The following IL1R1 variants were observed in gnomAD, a reference collection of about 807,000 sequenced individuals.
The protein encoded by IL1R1 is interleukin-1 receptor type 1.
In IL1R1, 22 loss-of-function variants were observed where a neutral mutation model predicts 50.2. That is an observed-to-expected ratio of 0.44 (90% CI 0.31 to 0.63). The LOEUF is 0.63. Ranked by LOEUF, IL1R1 falls within the 20% of genes least tolerant of loss-of-function variation. The pLI is 0.07. For synonymous variants in IL1R1, 251 were observed against 236.7 expected, an observed-to-expected ratio of 1.06 and a Z score of -0.55; for missense variants, 509 against 676.2, an observed-to-expected ratio of 0.75 and a Z score of 2.74.
chr2:102,122,242 G>A (rs1331840236), intron 1 of IL1R1, among the ~76,000 whole-genome samples: 8 of 152,210 alleles, frequency 5.3e-5, no homozygotes, highest in African/African-American at 1.9e-4. Context: ...AGTTATAGAT[G>A]TAATTTTCCA....
chr2:102,144,196 T>G (rs964971819), intron 1 of IL1R1, among the ~76,000 whole-genome samples: 1 of 152,240 alleles, frequency 6.6e-6, no homozygotes, highest in African/African-American at 2.4e-5. Context: ...TCATATCCGA[T>G]GTTAACGTTT....
chr2:102,172,902 G>A, intron 9 of IL1R1, 64 bp downstream of exon 9: 1 of 1,172,726 alleles, frequency 8.5e-7, no homozygotes, highest in Non-Finnish European at 1.2e-6. Flanking sequence ...TGACTTTGAA[G>A]TTTGAAATGC....
chr2:102,177,356 T>TA lies in IL1R1; in HGVS notation c.*598dup, dbSNP rs1686234871. ...ACTAGAAGAAAGGGCAAGAAGGAAA[T>TA]AGCCACCGTCTACAGATGGCTTAGT... On this transcript the variant is annotated 3_prime_UTR_variant, in exon 12 of 12. Transcript: ENST00000410023. 6.4e-6 allele frequency: 1 copy of TA among 156,436 alleles called. No individual in the cohort carries two copies. The highest frequency in any genetic ancestry group is 2.4e-5 in the African/African-American group (1 of 41,510). 9.7% of individuals were successfully genotyped at this position (156,436 alleles called of 1,614,324 possible).
upstream of IL1R1, among the ~76,000 whole-genome samples, chr2:102,138,572 A>G (rs972516887): frequency 4.6e-5 from 7 of 152,344 alleles, no homozygotes; most frequent in African/African-American, 4.8e-5. Flanking sequence ...AAAGATAATC[A>G]TAGTAGCCCA....
chr2:102,072,507 A>G (rs752584646), intron 1 of IL1R1, among the ~76,000 whole-genome samples: 1 of 152,086 alleles, frequency 6.6e-6, no homozygotes, highest in Non-Finnish European at 1.5e-5. Flanking sequence ...AAAACATGGC[A>G]TTTTTCTATT....
At chr2:102,109,966 T>C (rs954312002) in intron 1 of IL1R1, among the ~76,000 whole-genome samples, 1 of 152,226 alleles carries the variant, frequency 6.6e-6, no homozygotes, top group African/African-American at 2.4e-5. Flanking sequence ...AAATGGAATT[T>C]TACTTTTTTT....
At chr2:102,138,945 C>T (rs1222889212), upstream of IL1R1, among the ~76,000 whole-genome samples, 1 of 152,188 alleles carries the variant, frequency 6.6e-6, no homozygotes, top group Non-Finnish European at 1.5e-5. Flanking sequence ...AGAAAAAGAT[C>T]TCACTAATTT....
At chr2:102,145,345 G>C (rs974931349) in intron 1 of IL1R1, among the ~76,000 whole-genome samples, 5 of 152,140 alleles carry the variant, frequency 3.3e-5, no homozygotes, top group African/African-American at 4.8e-5. Flanking sequence ...GTCTGCTGTG[G>C]GTCCAGGAAA....
At chr2:102,076,713 C>A (rs1347183301) in intron 1 of IL1R1, among the ~76,000 whole-genome samples, 1 of 151,866 alleles carries the variant, frequency 6.6e-6, no homozygotes, top group Non-Finnish European at 1.5e-5. Flanking sequence ...TCTTTGGCAG[C>A]TTTTAAGATT....
intron 7 of IL1R1, among the ~76,000 whole-genome samples, chr2:102,170,504 C>T (rs3917301): frequency 0.013 from 1,929 of 152,050 alleles, 54 homozygotes; most frequent in South Asian, 0.12. Flanking sequence ...AGAAAATTCC[C>T]GGGAAAAACT....
intron 1 of IL1R1, among the ~76,000 whole-genome samples, chr2:102,149,331 A>G (rs1250681728): frequency 1.3e-5 from 2 of 152,188 alleles, no homozygotes; most frequent in African/African-American, 4.8e-5. Context: ...GGAAATGTAG[A>G]AAGTGCAGTG....
At chr2:102,095,081 C>A (rs1679841380) in intron 1 of IL1R1, among the ~76,000 whole-genome samples, 1 of 152,170 alleles carries the variant, frequency 6.6e-6, no homozygotes, top group African/African-American at 2.4e-5. Context: ...ACAGCTGTTT[C>A]CTAAGAGTTT....
rs192142712 is a variant in IL1R1, at chr2:102,120,175, A to G, written c.-84+15303A>G. ...AAAAGTGAAAAGTCTTTAGCATGAA[A>G]CCTTTGATGTGCATGTTGTGTGAGC... On this transcript the variant is annotated intron_variant, in intron 1 of 10. Coordinates refer to the IL1R1 transcript ENST00000409329. 4.1e-3 allele frequency among the ~76,000 whole-genome samples: 626 copies of G among 151,380 alleles called. 2 individuals carry two copies. Among genetic ancestry groups the G allele is most frequent in the Non-Finnish European group, 7.1e-3 (484 of 67,872 alleles).
At chr2:102,169,848 C>A (rs988729527) in intron 7 of IL1R1, among the ~76,000 whole-genome samples, 11 of 152,170 alleles carry the variant, frequency 7.2e-5, no homozygotes, top group Admixed American at 2.0e-4. Context: ...TCTAAAAAGT[C>A]TTCTTCCACC....
chr2:102,103,299 G>T (rs115643076), upstream of IL1R1, among the ~76,000 whole-genome samples: 220 of 152,242 alleles, frequency 1.4e-3, 1 homozygote, highest in African/African-American at 5.0e-3. Context: ...GGATGCTTGA[G>T]TGGGGTCTGC....
chr2:102,103,247 A>C (rs191794364), upstream of IL1R1, among the ~76,000 whole-genome samples: 43 of 152,258 alleles, frequency 2.8e-4, no homozygotes, highest in Middle Eastern at 6.8e-3. Flanking sequence ...CGTTATCATC[A>C]CAGAGAGAAG....
chr2:102,137,772 C>G (rs1368003602), upstream of IL1R1, among the ~76,000 whole-genome samples: 1 of 152,052 alleles, frequency 6.6e-6, no homozygotes, highest in Non-Finnish European at 1.5e-5. Flanking sequence ...AGATGAGAAG[C>G]AAAGAATTTG....
chr2:102,075,308 A>G (rs1030135890), intron 1 of IL1R1, among the ~76,000 whole-genome samples: 2 of 152,210 alleles, frequency 1.3e-5, no homozygotes, highest in African/African-American at 4.8e-5. Context: ...TTCAACACAT[A>G]TGTATGATGA....
intron 1 of IL1R1, among the ~76,000 whole-genome samples, chr2:102,086,047 G>A (rs913028486): frequency 2.0e-5 from 3 of 152,052 alleles, no homozygotes; most frequent in South Asian, 2.1e-4. Flanking sequence ...TGACTTGTTC[G>A]TTGATAGAAA....
Sources: allele counts gnomAD v4.1 joint callset (sites outside exome capture counted in the v4.1 genomes callset), GRCh38; gene constraint gnomAD v4.1.1; transcripts MANE v1.5; gene names NCBI Gene and HGNC (gene_info 2026-07-23, HGNC 2026-07-21).